The following AGO3 variants were observed in gnomAD, a reference collection of about 807,000 sequenced individuals.
AGO3 encodes the protein argonaute RISC catalytic component 3, also known as protein argonaute-3.
In AGO3, 16 loss-of-function variants were observed where a neutral mutation model predicts 105.5. The observed-to-expected ratio is 0.15, with a 90% CI of 0.10 to 0.23. AGO3 has a LOEUF of 0.23. AGO3 is among the 10% of genes least tolerant of loss of function. AGO3 has a pLI of 1.00. For synonymous variants in AGO3, 340 were observed against 367.3 expected (o/e 0.93, Z 0.85); for missense variants, 534 against 1,088.0 (o/e 0.49, Z 7.16).
intron 9 of AGO3, among the ~76,000 whole-genome samples, chr1:36,012,811 A>G (rs1640685275): frequency 6.6e-6 from 1 of 151,942 alleles, no homozygotes; most frequent in Non-Finnish European, 1.5e-5. Flanking sequence ...GTGCATGCCT[A>G]TGTTCCCAGC....
chr1:35,946,237 A>G (rs528010112), intron 2 of AGO3, among the ~76,000 whole-genome samples: 1 of 152,256 alleles, frequency 6.6e-6, no homozygotes, highest in South Asian at 2.1e-4. Flanking sequence ...CTTTAAGATG[A>G]CGGTGGTGAT....
In AGO3 at chr1:36,027,247, T is replaced by G; in HGVS notation, c.1540T>G (p.Ser514Ala). ...GTTCCGGCATCTCAAGAACACATAT[T>G]CTGGCCTACAGCTTATTATCGTCAT... ...PMFRHLKNTY[S>A]GLQLIIVILP... is the part of the protein sequence containing the mutation. Residue 514 changes from serine to alanine, a missense_variant, in exon 12 of 19, where the codon TCT (serine) becomes GCT (alanine). Transcript: ENST00000373191. The surrounding 1 kb of genome is among the most constrained non-coding windows in gnomAD (Gnocchi z 4.0). 4 of 1,614,164 alleles carry G rather than the reference T, an allele frequency of 2.5e-6. No homozygotes were observed. Among genetic ancestry groups the G allele is most frequent in the Non-Finnish European group, 3.4e-6 (4 of 1,180,018 alleles).
intron 5 of AGO3, 122 bp from the exon 6 acceptor site, chr1:36,004,219 T>A (rs1640238199): frequency 9.8e-7 from 1 of 1,025,164 alleles, no homozygotes; most frequent in Non-Finnish European, 1.3e-6. Context: ...GAAATTTGTA[T>A]GTACATAAAT....
intron 2 of AGO3, among the ~76,000 whole-genome samples, chr1:35,962,903 T>C (rs1646704573): frequency 6.6e-6 from 1 of 152,250 alleles, no homozygotes; most frequent in Non-Finnish European, 1.5e-5. Flanking sequence ...AATTTGATGA[T>C]GTTCTCAAAT....
chr1:35,977,259 T>A, intron 5 of AGO3, among the ~76,000 whole-genome samples: 1 of 149,744 alleles, frequency 6.7e-6, no homozygotes, highest in Non-Finnish European at 1.5e-5. Flanking sequence ...AATTTTTTTT[T>A]AATTAAAAAA....
At chr1:36,039,625 G>A (rs754790985) in intron 14 of AGO3, among the ~76,000 whole-genome samples, 165 bp from the exon 15 acceptor site, 1 of 151,818 alleles carries the variant, frequency 6.6e-6, no homozygotes, top group Non-Finnish European at 1.5e-5. Context: ...GGGACTATAG[G>A]CACATGCCGT....
chr1:35,965,820 CTTTTTTTTTT>C (rs925988577), intron 2 of AGO3, among the ~76,000 whole-genome samples: 3 of 120,170 alleles, frequency 2.5e-5, no homozygotes, highest in Non-Finnish European at 5.3e-5. Context: ...TTGAATCTCT[CTTTTTTTTTT>C]TTTTTTTTTT....
intron 5 of AGO3, among the ~76,000 whole-genome samples, chr1:35,974,071 T>C (rs1307652985): frequency 6.6e-6 from 1 of 152,184 alleles, no homozygotes; most frequent in Non-Finnish European, 1.5e-5. Context: ...GTAGTGTTTT[T>C]AAATCTAATT....
intron 11 of AGO3, among the ~76,000 whole-genome samples, chr1:36,022,788 C>T (rs143170229): frequency 1.8e-4 from 28 of 151,986 alleles, no homozygotes; most frequent in Admixed American, 9.2e-4. Context: ...AAAAATTAGC[C>T]GGGCCTGGTG....
At chr1:35,947,666 A>G (rs1290186326) in intron 2 of AGO3, among the ~76,000 whole-genome samples, 3 of 152,114 alleles carry the variant, frequency 2.0e-5, no homozygotes, top group Non-Finnish European at 4.4e-5. Context: ...TTTCCTGAAC[A>G]TGGGTTTTTC....
chr1:35,967,838 T>G (rs978756005), intron 3 of AGO3, among the ~76,000 whole-genome samples: 4 of 152,202 alleles, frequency 2.6e-5, no homozygotes, highest in Non-Finnish European at 4.4e-5. Flanking sequence ...AATTCCAGTT[T>G]TACCAGTTTT....
At chr1:35,941,360 T>G (rs987205963) in intron 1 of AGO3, among the ~76,000 whole-genome samples, 1 of 152,086 alleles carries the variant, frequency 6.6e-6, no homozygotes, top group African/African-American at 2.4e-5. Context: ...TCCCTGCTTG[T>G]ACCCTTATGT....
intron 14 of AGO3, among the ~76,000 whole-genome samples, chr1:36,036,885 G>C (rs541169213): frequency 6.6e-6 from 1 of 151,752 alleles, no homozygotes; most frequent in Non-Finnish European, 1.5e-5. Flanking sequence ...TAGTAGAGAC[G>C]GGGCTTCACC....
At chr1:35,977,409 T>C (rs1222316104) in intron 5 of AGO3, among the ~76,000 whole-genome samples, 3 of 150,662 alleles carry the variant, frequency 2.0e-5, no homozygotes, top group African/African-American at 7.3e-5. Context: ...TTTTTTTTTT[T>C]TGAGACAGGG....
chr1:35,949,592 A>T (rs1281375297), intron 2 of AGO3, among the ~76,000 whole-genome samples: 1 of 152,212 alleles, frequency 6.6e-6, no homozygotes, highest in Non-Finnish European at 1.5e-5. Flanking sequence ...AATTTAACTT[A>T]TTCAAAATAT....
chr1:35,950,321 T>G (rs1646447461), intron 2 of AGO3, among the ~76,000 whole-genome samples: 1 of 152,244 alleles, frequency 6.6e-6, no homozygotes, highest in Non-Finnish European at 1.5e-5. Context: ...GCATGAAATT[T>G]TTCTTGTCCA....
chr1:35,949,239 G>A (rs969731839), intron 2 of AGO3, among the ~76,000 whole-genome samples: 9 of 152,170 alleles, frequency 5.9e-5, no homozygotes, highest in South Asian at 4.1e-4. Context: ...TACCGCACCC[G>A]GCCCAAGTTT....
At position 35,944,451 on chromosome 1, in the gene AGO3, G is replaced by C. The variant is rs144921445; in HGVS notation, c.20-1241G>C. On this transcript the variant is annotated intron_variant, in intron 1 of 18. Coordinates refer to ENST00000373191, the MANE Select transcript of AGO3 (RefSeq NM_024852.4). ...ACACAATGTAATGTCTTCAGTAGCT[G>C]TAGTGACTTTTTTTCACTTCTGTTA... Among the ~76,000 whole-genome samples, 371 of 150,846 alleles carry C rather than the reference G, an allele frequency of 2.5e-3. 3 individuals carry two copies. The highest frequency in any genetic ancestry group is 8.8e-3 in the African/African-American group (359 of 41,014).
At chr1:36,022,388 G>A (rs569962780) in intron 11 of AGO3, among the ~76,000 whole-genome samples, 1 of 152,182 alleles carries the variant, frequency 6.6e-6, no homozygotes, top group East Asian at 1.9e-4. Context: ...TTCTTAAAGT[G>A]CAGTATTATT....
Sources: gnomAD v4.1 joint callset for allele counts (sites outside exome capture counted in the v4.1 genomes callset) on GRCh38, gnomAD v4.1.1 for gene constraint, Gnocchi (gnomAD v3.1) non-coding constraint, MANE v1.5 for transcripts, NCBI Gene and HGNC (gene_info 2026-07-23, HGNC 2026-07-21) for gene names.